Variants in EDIL3 observed in about 807,000 individuals in gnomAD.
EDIL3 encodes the protein EGF like and discoidin domains 3, also known as EGF-like repeat and discoidin I-like domain-containing protein 3.
EDIL3 carries 37 observed loss-of-function variants against 67.4 expected under a neutral mutation model. The observed-to-expected ratio is 0.55, with a 90% CI of 0.42 to 0.72. EDIL3 has a LOEUF of 0.72. EDIL3 is among the 30% of genes least tolerant of loss of function. The pLI is 0.00. For missense variants in EDIL3, 527 were observed against 586.3 expected, an observed-to-expected ratio of 0.90 and a Z score of 1.04; for synonymous variants, 195 against 196.3, an observed-to-expected ratio of 0.99 and a Z score of 0.05.
At chr5:84,270,033 T>C (rs921421821) in intron 1 of EDIL3, among the ~76,000 whole-genome samples, 1 of 152,202 alleles carries the variant, frequency 6.6e-6, no homozygotes, top group African/African-American at 2.4e-5. Flanking sequence ...GAGAAAAATC[T>C]AGAAGGATAT....
chr5:84,174,939 A>C (rs1687851534), intron 4 of EDIL3, among the ~76,000 whole-genome samples: 2 of 152,188 alleles, frequency 1.3e-5, no homozygotes, highest in African/African-American at 2.4e-5. Flanking sequence ...CCATTCAAGG[A>C]GATTCTGAGC....
chr5:84,152,923 C>A (rs1288229260), intron 4 of EDIL3, among the ~76,000 whole-genome samples: 1 of 151,966 alleles, frequency 6.6e-6, no homozygotes, highest in African/African-American at 2.4e-5. Flanking sequence ...TTTTTGAAAT[C>A]TTTAGAACAC....
At chr5:84,149,648 C>T (rs1321069381) in intron 4 of EDIL3, among the ~76,000 whole-genome samples, 1 of 151,448 alleles carries the variant, frequency 6.6e-6, no homozygotes, top group Admixed American at 6.6e-5. Context: ...GATTAACACT[C>T]AAGAAACAAA....
intron 4 of EDIL3, among the ~76,000 whole-genome samples, chr5:84,156,732 C>T (rs1748498547): frequency 6.6e-6 from 1 of 152,020 alleles, no homozygotes; most frequent in Non-Finnish European, 1.5e-5. Flanking sequence ...GGGTGGCAGC[C>T]CCCAAAATAA....
At chr5:84,366,320 C>G (rs1429848741) in intron 1 of EDIL3, among the ~76,000 whole-genome samples, 1 of 152,062 alleles carries the variant, frequency 6.6e-6, no homozygotes, top group Non-Finnish European at 1.5e-5. Context: ...AGATATGGTT[C>G]TATGCACTTA....
At chr5:84,361,025 T>G (rs545862432) in intron 1 of EDIL3, among the ~76,000 whole-genome samples, 36 of 152,186 alleles carry the variant, frequency 2.4e-4, no homozygotes, top group African/African-American at 7.7e-4. Flanking sequence ...ATGCTAGCAA[T>G]GAGTAGCTCA....
At chr5:84,134,867 A>T (rs1020218375) in intron 5 of EDIL3, among the ~76,000 whole-genome samples, 4 of 152,214 alleles carry the variant, frequency 2.6e-5, no homozygotes, top group Admixed American at 2.6e-4. Flanking sequence ...GAAGGGAGGC[A>T]TGCCACTATC....
chr5:83,972,237 G>A (rs1255729828), intron 9 of EDIL3, among the ~76,000 whole-genome samples: 1 of 152,106 alleles, frequency 6.6e-6, no homozygotes, highest in Non-Finnish European at 1.5e-5. Flanking sequence ...CTGCAAATGG[G>A]AATGGTGGGG....
At chr5:84,090,966 G>A (rs1463876441) in intron 6 of EDIL3, among the ~76,000 whole-genome samples, 3 of 148,808 alleles carry the variant, frequency 2.0e-5, no homozygotes, top group Non-Finnish European at 4.5e-5. Flanking sequence ...AAAAAAAAAA[G>A]AAAAAAGAAA....
chr5:84,204,302 A>G (rs1743912340), intron 3 of EDIL3, among the ~76,000 whole-genome samples: 1 of 152,200 alleles, frequency 6.6e-6, no homozygotes, highest in South Asian at 2.1e-4. Flanking sequence ...CTAACAATAT[A>G]GGACACAGCC....
intron 3 of EDIL3, among the ~76,000 whole-genome samples, chr5:84,220,707 G>A (rs997505624): frequency 6.6e-6 from 1 of 152,176 alleles, no homozygotes; most frequent in Admixed American, 6.5e-5. Context: ...AATCTTCAAA[G>A]AAAGCTAAAA....
chr5:84,092,454 A>G (rs903106208), intron 6 of EDIL3, among the ~76,000 whole-genome samples: 2 of 152,164 alleles, frequency 1.3e-5, no homozygotes, highest in Admixed American at 6.6e-5. Flanking sequence ...GTTAAACTGA[A>G]TTGTCTACTG....
At chr5:84,295,240 T>C (rs193239701) in intron 1 of EDIL3, among the ~76,000 whole-genome samples, 3 of 152,204 alleles carry the variant, frequency 2.0e-5, no homozygotes. Context: ...GGTGTGAATA[T>C]GTGTGTGTTA....
chr5:84,331,503 C>T (rs1390618847), intron 1 of EDIL3, among the ~76,000 whole-genome samples: 8 of 152,268 alleles, frequency 5.3e-5, no homozygotes, highest in African/African-American at 1.9e-4. Context: ...TTTGCCCTGC[C>T]TTTGCTCTGC....
At chr5:84,016,164 C>CA (rs1397219564) in intron 9 of EDIL3, among the ~76,000 whole-genome samples, 1 of 152,140 alleles carries the variant, frequency 6.6e-6, no homozygotes, top group African/African-American at 2.4e-5. Context: ...TAGGGAACTA[C>CA]ATTTCTTCTA....
intron 5 of EDIL3, among the ~76,000 whole-genome samples, chr5:84,119,203 A>G (rs570864793): frequency 7.4e-6 from 1 of 135,876 alleles, no homozygotes; most frequent in East Asian, 2.2e-4. Context: ...CATGTTTTAC[A>G]TGCATTTGGT....
intron 1 of EDIL3, 71 bp downstream of exon 1, chr5:84,384,237 C>T: frequency 6.5e-7 from 1 of 1,544,558 alleles, no homozygotes; most frequent in Non-Finnish European, 8.8e-7. Context: ...CGCCTCCGGC[C>T]CCCTGCGCGG....
intron 1 of EDIL3, among the ~76,000 whole-genome samples, chr5:84,365,553 A>C (rs1321150874): frequency 6.6e-6 from 1 of 152,184 alleles, no homozygotes; most frequent in Non-Finnish European, 1.5e-5. Context: ...GAGTAAAAAG[A>C]AAGCAGAGAC....
At chr5:84,094,379 T>C (rs868277864) in intron 6 of EDIL3, among the ~76,000 whole-genome samples, 1 of 152,166 alleles carries the variant, frequency 6.6e-6, no homozygotes, top group South Asian at 2.1e-4. Context: ...GGGAATATAG[T>C]TTAGTATATA....
Sources: allele counts gnomAD v4.1 joint callset (sites outside exome capture counted in the v4.1 genomes callset), GRCh38; gene constraint gnomAD v4.1.1; transcripts MANE v1.5; gene names NCBI Gene and HGNC (gene_info 2026-07-23, HGNC 2026-07-21).